GSG1L: variants seen among roughly 807,000 people sequenced by gnomAD.
GSG1L encodes the protein GSG1 like.
Under a neutral mutation model 42.1 loss-of-function variants are expected in GSG1L, and 24 were observed. The ratio of observed to expected loss-of-function variants is 0.57; its 90% CI spans 0.41 to 0.80. The LOEUF (loss-of-function observed/expected upper bound fraction) is 0.80, where lower values mean the gene tolerates loss of function less well. GSG1L is among the 30% of genes least tolerant of loss of function. The probability of loss-of-function intolerance (pLI) is 0.00; values close to 1 mark genes in which losing one functional copy is unlikely to be tolerated. For synonymous variants in GSG1L, 215 were observed against 203.5 expected, an observed-to-expected ratio of 1.06 and a Z score of -0.48; for missense variants, 445 against 472.2, an observed-to-expected ratio of 0.94 and a Z score of 0.53.
chr16:28,030,768 T>G (rs1249394271), intron 1 of GSG1L, among the ~76,000 whole-genome samples: 1 of 128,304 alleles, frequency 7.8e-6, no homozygotes, highest in Non-Finnish European at 1.6e-5. Context: ...TGGGATGGGA[T>G]GGGATGGGAT....
chr16:27,849,267 C>G lies in GSG1L; in HGVS notation c.551-4206G>C, dbSNP rs560230998. 2.0e-3 allele frequency among the ~76,000 whole-genome samples: 307 copies of G among 150,048 alleles called. 2 individuals are homozygous for G. Among genetic ancestry groups the G allele is most frequent in the African/African-American group, 7.1e-3 (290 of 40,722 alleles). ...GATGTGTCAGATGGAGTCAGAAAGGCAGGCAGGAGCAGGGCCATGCAGGGC... is the reference window on the plus strand; with the variant it reads ...GATGTGTCAGATGGAGTCAGAAAGGGAGGCAGGAGCAGGGCCATGCAGGGC... On this transcript the variant is annotated intron_variant, in intron 3 of 6. Transcript: ENST00000447459.
intron 2 of GSG1L, among the ~76,000 whole-genome samples, chr16:27,925,462 G>C (rs1349840842): frequency 2.0e-5 from 3 of 152,170 alleles, no homozygotes; most frequent in African/African-American, 7.2e-5. Flanking sequence ...TGCTGACTGA[G>C]AAAGAGTCTT....
intron 3 of GSG1L, among the ~76,000 whole-genome samples, chr16:27,867,863 C>T (rs2083750936): frequency 6.6e-6 from 1 of 152,212 alleles, no homozygotes; most frequent in South Asian, 2.1e-4. Flanking sequence ...TCCAGCTTTC[C>T]GGCTGAGTCG....
intron 2 of GSG1L, among the ~76,000 whole-genome samples, chr16:27,950,578 C>T (rs1271952180): frequency 6.6e-6 from 1 of 151,910 alleles, no homozygotes; most frequent in Non-Finnish European, 1.5e-5. Context: ...AAATGCGTCT[C>T]GAGGGATGGC....
chr16:28,005,700 A>T (rs1358552580), intron 1 of GSG1L, among the ~76,000 whole-genome samples: 1 of 152,048 alleles, frequency 6.6e-6, no homozygotes, highest in Non-Finnish European at 1.5e-5. Context: ...TCAGTTTCCT[A>T]TTCCTAAAAT....
At chr16:27,977,195 C>T (rs2085260300) in intron 1 of GSG1L, among the ~76,000 whole-genome samples, 1 of 152,204 alleles carries the variant, frequency 6.6e-6, no homozygotes, top group Non-Finnish European at 1.5e-5. Flanking sequence ...CCCAAGGTGA[C>T]ACAGCCACTA....
intron 3 of GSG1L, among the ~76,000 whole-genome samples, chr16:27,867,797 GCCCCCTGAGGCCACGC>G (rs749874393): frequency 4.3e-5 from 6 of 140,420 alleles, no homozygotes; most frequent in Non-Finnish European, 7.5e-5. Context: ...CTGAGGCCAC[GCCCCCTGAGGCCACGC>G]CCCCTGAGGC....
chr16:27,878,940 G>A (rs1188467546), intron 3 of GSG1L, among the ~76,000 whole-genome samples: 1 of 152,154 alleles, frequency 6.6e-6, no homozygotes, highest in Admixed American at 6.5e-5. Context: ...GGGGTAAGGG[G>A]GTTCTGGCTA....
chr16:27,895,998 C>G (rs2084187806), intron 2 of GSG1L, among the ~76,000 whole-genome samples: 1 of 152,168 alleles, frequency 6.6e-6, no homozygotes, highest in African/African-American at 2.4e-5. Context: ...CCAGCAGCGT[C>G]AGCATTCCCT....
At chr16:27,798,036 A>T (rs752007460) in intron 6 of GSG1L, among the ~76,000 whole-genome samples, 2 of 152,114 alleles carry the variant, frequency 1.3e-5, no homozygotes, top group Non-Finnish European at 2.9e-5. Flanking sequence ...CAGGGGGAGG[A>T]TGGGAGTGGG....
chr16:27,853,132 G>A (rs889694969), intron 3 of GSG1L, among the ~76,000 whole-genome samples: 1 of 152,192 alleles, frequency 6.6e-6, no homozygotes, highest in Non-Finnish European at 1.5e-5. Flanking sequence ...CCAATCGGCT[G>A]GGGGCAGAGG....
Position 27,964,477 on chromosome 16 carries a change from T to C in GSG1L, c.350-1274A>G, listed in dbSNP as rs542936103. On this transcript the variant is annotated intron_variant, in intron 1 of 6. Transcript: ENST00000447459. ...ATCAATCGTGGATAGCACAATTGTA[T>C]TTATCAATTGTGGATAGCAGCACTA... 3.9e-5 allele frequency among the ~76,000 whole-genome samples: 6 copies of C among 152,322 alleles called. No homozygotes were observed. The East Asian group carries it at 1.2e-3, about 29-fold the overall frequency.
At chr16:28,041,403 G>A (rs113009289) in intron 1 of GSG1L, among the ~76,000 whole-genome samples, 1,709 of 151,938 alleles carry the variant, frequency 0.011, 41 homozygotes, top group African/African-American at 0.039. Context: ...AGTGAGCTGC[G>A]ATCACACCAC....
intron 5 of GSG1L, among the ~76,000 whole-genome samples, chr16:27,827,766 A>G (rs1171469529): frequency 6.6e-6 from 1 of 151,828 alleles, no homozygotes; most frequent in Non-Finnish European, 1.5e-5. Flanking sequence ...CTGTCCTTCC[A>G]CTCATACCTA....
rs1567506177 is a variant in GSG1L at position 27,888,561 on chromosome 16, TTCTTTCTTTCTTTCTTTC to T, written c.398-3941_398-3924del. ...TTTCTTTCTTTCTTTCTTTCTTTCT[TTCTTTCTTTCTTTCTTTC>T]TTTCTCCGTCTCTCTCTGTCTCTCT... On this transcript the variant is annotated intron_variant, in intron 2 of 6. Coordinates refer to ENST00000447459, the MANE Select transcript of GSG1L (RefSeq NM_001109763.2). 3.8e-5 allele frequency among the ~76,000 whole-genome samples: 3 copies of T among 78,942 alleles called. 1 individual carries two copies. The highest frequency in any genetic ancestry group is 6.1e-5 in the African/African-American group (1 of 16,422). 51.8% of individuals were successfully genotyped at this position (78,942 alleles called of 152,430 possible).
At chr16:27,898,360 C>G (rs1288699500) in intron 2 of GSG1L, among the ~76,000 whole-genome samples, 5 of 144,358 alleles carry the variant, frequency 3.5e-5, no homozygotes, top group African/African-American at 5.0e-5. Flanking sequence ...CCACCCACCC[C>G]CTGCGAGGTC....
intron 6 of GSG1L, among the ~76,000 whole-genome samples, chr16:27,796,956 T>C (rs987435333): frequency 9.9e-5 from 15 of 152,232 alleles, no homozygotes; most frequent in African/African-American, 2.9e-4. Flanking sequence ...CAGGCACACA[T>C]ATGAAGAGAT....
intron 6 of GSG1L, among the ~76,000 whole-genome samples, chr16:27,799,717 G>A (rs2082861321): frequency 6.6e-6 from 1 of 152,102 alleles, no homozygotes; most frequent in East Asian, 1.9e-4. Context: ...TAGAGCTGCT[G>A]TTATAGGAGG....
chr16:28,052,904 A>G (rs1124108), intron 1 of GSG1L, among the ~76,000 whole-genome samples: 32,409 of 152,186 alleles, frequency 0.21, 4,420 homozygotes, highest in East Asian at 0.34. Context: ...GCCCCGCCCA[A>G]CTGTGTTCTG....
Sources: gnomAD v4.1 joint callset for allele counts (sites outside exome capture counted in the v4.1 genomes callset) on GRCh38, gnomAD v4.1.1 for gene constraint, MANE v1.5 for transcripts, NCBI Gene and HGNC (gene_info 2026-07-23, HGNC 2026-07-21) for gene names.